Variants in SPON1 observed in about 807,000 individuals in gnomAD.
The protein encoded by SPON1 is spondin-1.
SPON1 carries 52 observed loss-of-function variants against 111.7 expected under a neutral mutation model. The ratio of observed to expected loss-of-function variants is 0.47; its 90% CI spans 0.37 to 0.59. SPON1 has a LOEUF of 0.59. Ranked by LOEUF, SPON1 falls within the 20% of genes least tolerant of loss-of-function variation. SPON1 has a pLI of 0.00. For synonymous variants in SPON1, 410 were observed against 395.8 expected, an observed-to-expected ratio of 1.04 and a Z score of -0.43; for missense variants, 957 against 1,068.5, an observed-to-expected ratio of 0.90 and a Z score of 1.46.
chr11:14,078,634 C>T lies in SPON1; in HGVS notation c.554-1265C>T, dbSNP rs569411387. On this transcript the variant is annotated intron_variant, in intron 4 of 15. Coordinates refer to ENST00000576479, the MANE Select transcript of SPON1 (RefSeq NM_006108.4). The stretch of plus-strand genomic sequence containing the variant: ...CAAAAAGACCTGGCCTCCAGTTCTG[C>T]CTGCCCTGTTCACTAACCCTGTGAC... Among the ~76,000 whole-genome samples, 21 of 152,260 alleles carry T rather than the reference C, an allele frequency of 1.4e-4. No individual in the cohort carries two copies. In the East Asian group the frequency reaches 3.3e-3, roughly 24 times the overall value.
chr11:14,007,695 T>C (rs1196912886), intron 2 of SPON1, among the ~76,000 whole-genome samples: 1 of 152,100 alleles, frequency 6.6e-6, no homozygotes, highest in Non-Finnish European at 1.5e-5. Context: ...GAGGTGAAGC[T>C]CAGGCGGTAA....
chr11:13,980,575 G>T (rs1283222980), intron 1 of SPON1, among the ~76,000 whole-genome samples: 1 of 151,874 alleles, frequency 6.6e-6, no homozygotes, highest in Non-Finnish European at 1.5e-5. Context: ...TAAGTTTTAG[G>T]GTACATGTGC....
At chr11:14,121,345 G>C (rs1554926487) in intron 5 of SPON1, among the ~76,000 whole-genome samples, 2 of 152,168 alleles carry the variant, frequency 1.3e-5, no homozygotes, top group Non-Finnish European at 2.9e-5. Context: ...AAAGAAGATA[G>C]AGAGTAATTT....
chr11:14,196,360 T>C (rs1464741253), intron 6 of SPON1, among the ~76,000 whole-genome samples: 4 of 152,094 alleles, frequency 2.6e-5, no homozygotes, highest in African/African-American at 9.7e-5. Flanking sequence ...TGGATGGGTG[T>C]TTTGGTGGGG....
At chr11:14,180,735 A>C (rs140201372) in intron 6 of SPON1, among the ~76,000 whole-genome samples, 1 of 152,248 alleles carries the variant, frequency 6.6e-6, no homozygotes, top group African/African-American at 2.4e-5. Flanking sequence ...TGTGCTCATT[A>C]TTGGCTGGAC....
intron 6 of SPON1, among the ~76,000 whole-genome samples, chr11:14,162,354 AAAG>A (rs1214753301): frequency 3.3e-5 from 5 of 152,200 alleles, no homozygotes; most frequent in Non-Finnish European, 5.9e-5. Context: ...ACTATAACCT[AAAG>A]AAGAATGTGT....
intron 6 of SPON1, among the ~76,000 whole-genome samples, chr11:14,190,505 TC>T (rs1371836166): frequency 3.3e-5 from 5 of 151,706 alleles, no homozygotes; most frequent in African/African-American, 7.3e-5. Flanking sequence ...TTTACTTCCT[TC>T]CTTCTTTAGT....
At chr11:14,035,876 C>T (rs368949068) in intron 2 of SPON1, among the ~76,000 whole-genome samples, 129 of 152,244 alleles carry the variant, frequency 8.5e-4, no homozygotes, top group South Asian at 4.8e-3. Context: ...CCTTGGCCTC[C>T]CAAAGTGCTG....
intron 1 of SPON1, among the ~76,000 whole-genome samples, chr11:13,966,294 TACA>T (rs1848015749): frequency 6.6e-6 from 1 of 152,260 alleles, no homozygotes; most frequent in Admixed American, 6.5e-5. Context: ...AAAAGGAGAT[TACA>T]GTGATTAAAA....
intron 2 of SPON1, among the ~76,000 whole-genome samples, chr11:13,995,943 A>G (rs1410898957): frequency 9.2e-5 from 14 of 152,242 alleles, no homozygotes; most frequent in African/African-American, 3.4e-4. Context: ...GAAAGTGGGT[A>G]GTGAGTGCTG....
chr11:14,198,801 A>G (rs1554935315), intron 6 of SPON1, among the ~76,000 whole-genome samples: 1 of 152,236 alleles, frequency 6.6e-6, no homozygotes. Flanking sequence ...AGTTATTTGA[A>G]ATGAACTTAC....
At chr11:14,234,751 A>G (rs1206153235) in intron 6 of SPON1, among the ~76,000 whole-genome samples, 2 of 152,232 alleles carry the variant, frequency 1.3e-5, no homozygotes, top group Non-Finnish European at 2.9e-5. Flanking sequence ...ATCTCAGGGG[A>G]AAATCATTAT....
At chr11:14,234,918 T>C (rs1554939067) in intron 6 of SPON1, among the ~76,000 whole-genome samples, 1 of 152,218 alleles carries the variant, frequency 6.6e-6, no homozygotes, top group East Asian at 1.9e-4. Context: ...AAATAGTTGA[T>C]CAGACAGCAG....
chr11:14,209,255 T>A (rs1848548022), intron 6 of SPON1, among the ~76,000 whole-genome samples: 1 of 152,150 alleles, frequency 6.6e-6, no homozygotes, highest in Admixed American at 6.6e-5. Flanking sequence ...GGAGACTTCT[T>A]TAAGAAAAAT....
At chr11:14,035,124 G>T (rs529392167) in intron 2 of SPON1, among the ~76,000 whole-genome samples, 1 of 152,336 alleles carries the variant, frequency 6.6e-6, no homozygotes, top group East Asian at 1.9e-4. Context: ...TTGGAGTGGA[G>T]TGGGGTCTTT....
At chr11:14,048,981 C>T (rs376096666) in intron 3 of SPON1, among the ~76,000 whole-genome samples, 27 of 152,186 alleles carry the variant, frequency 1.8e-4, no homozygotes, top group East Asian at 5.8e-4. Context: ...AAAAGGCAGA[C>T]GTAAGAGACA....
chr11:14,237,379 G>T (rs1554939294), intron 6 of SPON1, among the ~76,000 whole-genome samples: 3 of 152,200 alleles, frequency 2.0e-5, no homozygotes, highest in Admixed American at 6.5e-5. Context: ...ACCAACCAGG[G>T]TCAGCTGTGC....
rs570019905 is a variant in SPON1, at chr11:14,241,833, C to G, written c.826-1499C>G. On this transcript the variant is annotated intron_variant, in intron 6 of 15. Transcript: ENST00000576479. ...ATTTCTCAGAGCATGAGAAATGTAA[C>G]TGCTCTGTTGGGAAATGCTTTGCCT... Among the ~76,000 whole-genome samples, 3 of 152,316 alleles carry G rather than the reference C, an allele frequency of 2.0e-5. No homozygotes were observed. The South Asian group carries it at 6.2e-4, about 32-fold the overall frequency.
chr11:14,037,838 T>C (rs1554916837), intron 2 of SPON1, among the ~76,000 whole-genome samples: 1 of 151,486 alleles, frequency 6.6e-6, no homozygotes, highest in African/African-American at 2.4e-5. Flanking sequence ...ACATATCTGA[T>C]AAAGAACTGC....
Sources: allele counts gnomAD v4.1 joint callset (sites outside exome capture counted in the v4.1 genomes callset), GRCh38; gene constraint gnomAD v4.1.1; transcripts MANE v1.5; gene names NCBI Gene and HGNC (gene_info 2026-07-23, HGNC 2026-07-21).